AHI1: variants seen among roughly 807,000 people sequenced by gnomAD.
AHI1 encodes the protein Abelson helper integration site 1.
Under a neutral mutation model 149.3 loss-of-function variants are expected in AHI1, and 123 were observed. The ratio of observed to expected loss-of-function variants is 0.82; its 90% CI spans 0.71 to 0.96. AHI1 has a LOEUF of 0.96. AHI1 is among the 40% of genes least tolerant of loss of function. The probability of loss-of-function intolerance (pLI) is 0.00; values close to 1 mark genes in which losing one functional copy is unlikely to be tolerated. For synonymous variants in AHI1, 475 were observed against 459.8 expected (o/e 1.03, Z -0.42); for missense variants, 1,439 against 1,422.7 (o/e 1.01, Z -0.18).
intron 24 of AHI1, among the ~76,000 whole-genome samples, chr6:135,328,643 A>C (rs1254211526): frequency 6.6e-6 from 1 of 152,090 alleles, no homozygotes; most frequent in Admixed American, 6.6e-5. Context: ...ATGGTATTGA[A>C]ATTAGGCCAA....
chr6:135,382,973 A>C (rs1402530490), intron 23 of AHI1, among the ~76,000 whole-genome samples: 1 of 133,270 alleles, frequency 7.5e-6, no homozygotes, highest in Admixed American at 7.9e-5. Flanking sequence ...AATAATAATA[A>C]TTTTTTAAAA....
intron 27 of AHI1, among the ~76,000 whole-genome samples, chr6:135,297,663 T>G (rs1156472597): frequency 1.3e-5 from 2 of 152,048 alleles, no homozygotes; most frequent in Non-Finnish European, 2.9e-5. Flanking sequence ...TGACAATAAA[T>G]GCCTTTAATT....
chr6:135,358,471 A>C (rs1475526749), intron 23 of AHI1, among the ~76,000 whole-genome samples: 3 of 152,188 alleles, frequency 2.0e-5, no homozygotes, highest in African/African-American at 7.2e-5. Flanking sequence ...CTCAAAAATT[A>C]CACCATTATC....
intron 15 of AHI1, 84 bp downstream of exon 15, chr6:135,438,291 A>G (rs1382578877): frequency 6.3e-6 from 8 of 1,263,844 alleles, no homozygotes; most frequent in African/African-American, 1.5e-5. Flanking sequence ...ACTGGAGCAT[A>G]AGAGTAGTTA....
At chr6:135,485,911 T>A (rs551816096) in intron 5 of AHI1, among the ~76,000 whole-genome samples, 1 of 152,274 alleles carries the variant, frequency 6.6e-6, no homozygotes, top group Admixed American at 6.5e-5. Context: ...GGCAGGCACA[T>A]CACCATAGAA....
Position 135,332,958 on chromosome 6 carries a change from T to C in AHI1, c.3166-9634A>G, listed in dbSNP as rs143679960. 3.5e-3 allele frequency among the ~76,000 whole-genome samples: 527 copies of C among 152,338 alleles called. 5 individuals are homozygous for C. The highest frequency in any genetic ancestry group is 0.012 in the African/African-American group (508 of 41,578). On this transcript the variant is annotated intron_variant, in intron 24 of 28. Coordinates refer to ENST00000265602, the MANE Select transcript of AHI1 (RefSeq NM_001134831.2). ...AAGCCAATTAAGATCTTTAAATGTA[T>C]TATAATTTTGTCTTCTGACAGAAGG... is the stretch of plus-strand genomic sequence containing the variant.
intron 27 of AHI1, among the ~76,000 whole-genome samples, chr6:135,291,054 A>C (rs960689130): frequency 6.6e-6 from 1 of 152,222 alleles, no homozygotes; most frequent in African/African-American, 2.4e-5. Context: ...CAAATGATTC[A>C]ATGGCAATAG....
At chr6:135,301,633 T>C in intron 26 of AHI1, 1 of 985,424 alleles carries the variant, frequency 1.0e-6, no homozygotes, top group South Asian at 4.7e-5. Context: ...GCTGTAGAGC[T>C]TTAAGTCAAG....
Position 135,427,233 on chromosome 6 carries a change from T to C in AHI1, c.2698A>G (p.Asn900Asp). ...CCAAATGCACAGAATGCAACCATAT[T>C]TTCAAATGGATGATAAGAAATGTCT... ...IRDISYHPFE[N>D]MVAFCAFGQN... The change falls in exon 20 of 29, where the codon AAT (asparagine) becomes GAT (aspartate). Residue 900 changes from asparagine (N) to aspartate (D), a missense_variant. Physicochemically the swap from Asn to Asp is conservative, Grantham distance 23. Coordinates refer to ENST00000265602, the MANE Select transcript of AHI1 (RefSeq NM_001134831.2). 6.2e-7 allele frequency: 1 copy of C among 1,610,790 alleles called. No homozygotes were observed. Among genetic ancestry groups the C allele is most frequent in the Middle Eastern group, 1.7e-4 (1 of 6,046 alleles).
At chr6:135,485,941 C>G (rs1299278374) in intron 5 of AHI1, among the ~76,000 whole-genome samples, 2 of 152,092 alleles carry the variant, frequency 1.3e-5, no homozygotes, top group African/African-American at 4.8e-5. Context: ...CCTGGATTCA[C>G]TATTATTAGT....
intron 26 of AHI1, among the ~76,000 whole-genome samples, chr6:135,317,878 G>GA (rs1562489199): frequency 6.6e-6 from 1 of 152,182 alleles, no homozygotes; most frequent in Admixed American, 6.5e-5. Context: ...CAGTGTAAGG[G>GA]AAGAGCTAAT....
chr6:135,484,621 CAG>C (rs1320198579), intron 5 of AHI1, among the ~76,000 whole-genome samples: 10 of 152,172 alleles, frequency 6.6e-5, no homozygotes, highest in Non-Finnish European at 1.3e-4. Context: ...ATAAAATACT[CAG>C]AAGGTCCTTC....
intron 21 of AHI1, among the ~76,000 whole-genome samples, chr6:135,408,096 A>G (rs1781060430): frequency 6.6e-6 from 1 of 152,080 alleles, no homozygotes; most frequent in Non-Finnish European, 1.5e-5. Context: ...TAGTTCTTAC[A>G]TCCTTTCATT....
intron 3 of AHI1, chr6:135,493,085 G>T: frequency 1.9e-6 from 1 of 524,914 alleles, no homozygotes; most frequent in Non-Finnish European, 2.4e-6. Flanking sequence ...TGCAACCTCC[G>T]CCTCCCAGGT....
chr6:135,434,789 TG>T (rs1785158047), intron 15 of AHI1, among the ~76,000 whole-genome samples: 1 of 152,018 alleles, frequency 6.6e-6, no homozygotes, highest in Admixed American at 6.5e-5. Context: ...TTACTAGATT[TG>T]GGAAAGAAAA....
chr6:135,419,288 T>C (rs1287049434), intron 20 of AHI1, among the ~76,000 whole-genome samples: 2 of 152,106 alleles, frequency 1.3e-5, no homozygotes, highest in African/African-American at 4.8e-5. Context: ...CTGCAGTACA[T>C]GCTATTCTGC....
intron 24 of AHI1, among the ~76,000 whole-genome samples, chr6:135,352,712 T>TATATATAC (rs1554289086): frequency 2.1e-5 from 3 of 145,492 alleles, no homozygotes; most frequent in African/African-American, 7.7e-5. Context: ...TATATATATA[T>TATATATAC]ACACACACAC....
At chr6:135,455,988 A>G (rs1299736383) in intron 9 of AHI1, 62 bp from the exon 10 acceptor site, 1 of 1,197,432 alleles carries the variant, frequency 8.4e-7, no homozygotes, top group African/African-American at 1.5e-5. Flanking sequence ...AGAAAAAAAT[A>G]TATAGTGTAC....
chr6:135,491,646 T>A (rs1795264139), intron 4 of AHI1, among the ~76,000 whole-genome samples: 1 of 152,238 alleles, frequency 6.6e-6, no homozygotes, highest in Non-Finnish European at 1.5e-5. Context: ...CCCCAGCTAC[T>A]ATTATGAGGT....
Sources: gnomAD v4.1 joint callset for allele counts (sites outside exome capture counted in the v4.1 genomes callset) on GRCh38, gnomAD v4.1.1 for gene constraint, MANE v1.5 for transcripts, NCBI Gene and HGNC (gene_info 2026-07-23, HGNC 2026-07-21) for gene names.